The following RNF8 variants were observed in gnomAD, a reference collection of about 807,000 sequenced individuals.
The protein encoded by RNF8 is ring finger protein 8, also known as E3 ubiquitin-protein ligase RNF8.
In RNF8, 8 loss-of-function variants were observed where a neutral mutation model predicts 59.3. The observed-to-expected ratio is 0.13, with a 90% confidence interval of 0.08 to 0.24. The LOEUF is 0.24. Among genes scored for constraint, RNF8 ranks in the 10% least tolerant of loss-of-function variants. The pLI is 1.00. For missense variants in RNF8, 406 were observed against 572.6 expected (o/e 0.71, Z 2.97); for synonymous variants, 162 against 200.0 (o/e 0.81, Z 1.60).
At chr6:37,354,380 A>G in intron 1 of RNF8, 105 bp downstream of exon 1, 1 of 842,242 alleles carries the variant, frequency 1.2e-6, no homozygotes, top group Non-Finnish European at 1.7e-6. Flanking sequence ...GGCAGAGAGG[A>G]GGCGGGCATC....
chr6:37,376,719 A>G (rs1770033948), intron 5 of RNF8, among the ~76,000 whole-genome samples: 1 of 152,194 alleles, frequency 6.6e-6, no homozygotes, highest in South Asian at 2.1e-4. Flanking sequence ...TAGGGAGAGG[A>G]AAGAAAGGAG....
At chr6:37,379,849 A>T (rs1308266921) in intron 6 of RNF8, among the ~76,000 whole-genome samples, 4 of 152,102 alleles carry the variant, frequency 2.6e-5, no homozygotes, top group African/African-American at 4.8e-5. Flanking sequence ...TTTTCTTTTT[A>T]AAAAATTTGT....
chr6:37,393,004 T>C lies in RNF8; in HGVS notation c.*2246T>C. ...TGAAGACTATGTACAGAGACTGACC[T>C]CACAGACTGACCATTCCATCCCACA... is the stretch of plus-strand genomic sequence containing the variant. On this transcript the variant is annotated 3_prime_UTR_variant, in exon 8 of 8. Coordinates refer to ENST00000373479, the MANE Select transcript of RNF8 (RefSeq NM_003958.4). 5.5e-6 allele frequency: 1 copy of C among 180,270 alleles called. No homozygotes were observed. The highest frequency in any genetic ancestry group is 1.3e-4 in the East Asian group (1 of 7,462). 11.2% of individuals were successfully genotyped at this position (180,270 alleles called of 1,614,324 possible).
At chr6:37,379,769 T>C (rs1435813472) in intron 6 of RNF8, among the ~76,000 whole-genome samples, 2 of 152,262 alleles carry the variant, frequency 1.3e-5, no homozygotes, top group South Asian at 2.1e-4. Flanking sequence ...TGATGTCTTA[T>C]ATAATTCTGT....
intron 4 of RNF8, among the ~76,000 whole-genome samples, chr6:37,373,195 C>T (rs990511337): frequency 6.6e-6 from 1 of 152,058 alleles, no homozygotes; most frequent in African/African-American, 2.4e-5. Context: ...CTTTTTAAAC[C>T]GAGTGATTCA....
rs1769024020 is a variant in RNF8, at chr6:37,354,241, G to A, written c.77G>A (p.Ser26Asn). ...RSWCLRRVGM[S>N]AGWLLLEDGC... The stretch of plus-strand genomic sequence containing the variant: ...TGGTGCCTGCGGCGGGTGGGGATGA[G>A]CGCCGGGTGGCTGCTGCTGGAAGAT... The change falls in exon 1 of 8, where the codon AGC becomes AAC. Residue 26 changes from serine (S) to asparagine (N), a missense_variant. Physicochemically the swap from Ser to Asn is conservative, Grantham distance 46 (BLOSUM62 1). Transcript: ENST00000373479. 4.5e-6 allele frequency: 7 copies of A among 1,568,796 alleles called. No individual in the cohort carries two copies. The highest frequency in any genetic ancestry group is 5.2e-6 in the Non-Finnish European group (6 of 1,158,562).
intron 2 of RNF8, among the ~76,000 whole-genome samples, chr6:37,362,934 T>C (rs1233409161): frequency 6.6e-6 from 1 of 152,194 alleles, no homozygotes; most frequent in Admixed American, 6.5e-5. Context: ...ATGGTTCTAG[T>C]TGTGTAGGTT....
intron 6 of RNF8, among the ~76,000 whole-genome samples, chr6:37,378,600 CAAAAAAAAAAAA>C (rs554259061): frequency 1.1e-3 from 61 of 56,548 alleles, no homozygotes; most frequent in Non-Finnish European, 2.1e-3. Flanking sequence ...GACTCCGTCT[CAAAAAAAAAAAA>C]AAAAAAAAAA....
intron 4 of RNF8, among the ~76,000 whole-genome samples, chr6:37,371,877 G>C (rs1004363651): frequency 6.6e-6 from 1 of 152,188 alleles, no homozygotes; most frequent in Non-Finnish European, 1.5e-5. Flanking sequence ...AGAAAGGTGA[G>C]GGCAGCAGAG....
chr6:37,356,228 T>A (rs957305696), intron 1 of RNF8, among the ~76,000 whole-genome samples: 2 of 152,196 alleles, frequency 1.3e-5, no homozygotes, highest in African/African-American at 2.4e-5. Context: ...TTCAGGGACC[T>A]GTGTGTAGGA....
At chr6:37,358,151 C>T (rs2113813372) in intron 1 of RNF8, among the ~76,000 whole-genome samples, 1 of 152,240 alleles carries the variant, frequency 6.6e-6, no homozygotes, top group East Asian at 1.9e-4. Context: ...AAAAGACCCT[C>T]AGGTAGGCTG....
chr6:37,390,510 C>T (rs141197100), intron 7 of RNF8, among the ~76,000 whole-genome samples: 20 of 152,152 alleles, frequency 1.3e-4, no homozygotes, highest in African/African-American at 3.6e-4. Flanking sequence ...TTGAGCAAGA[C>T]GCAGATTTTG....
rs574359085 is a variant in RNF8, at chr6:37,392,306, G to A, written c.*1548G>A. The A allele has an allele frequency of 5.8e-5, 23 of 397,002 alleles. No individual in the cohort carries two copies. The East Asian group carries it at 6.8e-4, about 12-fold the overall frequency. The allele number at this position is 397,002 out of a possible 1,614,324, so 24.6% of individuals were successfully genotyped here. A position where few individuals can be genotyped will look rare whatever the true frequency, so the allele number is the denominator to read the frequency against. On this transcript the variant is annotated 3_prime_UTR_variant, in exon 8 of 8. Transcript: ENST00000373479. ...CATGGGTATATGTCAATTTTTATAT[G>A]TTCTGTGTTTAGTTTACATATTGTA...
intron 1 of RNF8, among the ~76,000 whole-genome samples, 176 bp downstream of exon 1, chr6:37,354,451 G>C (rs879496807): frequency 6.6e-5 from 10 of 151,986 alleles, no homozygotes; most frequent in Non-Finnish European, 1.2e-4. Context: ...GGGAGAAAGC[G>C]GTTCTGGCGC....
At chr6:37,369,655 G>A (rs1289111757) in intron 3 of RNF8, 2 of 160,594 alleles carry the variant, frequency 1.2e-5, no homozygotes, top group Non-Finnish European at 2.8e-5. Context: ...TAGTCTCAGG[G>A]CAGGTACAGG....
chr6:37,371,372 CAG>C (rs1218033671), intron 3 of RNF8, 138 bp from the exon 4 acceptor site: 2 of 627,642 alleles, frequency 3.2e-6, no homozygotes, highest in Non-Finnish European at 5.6e-6. Context: ...TGAAGTAAAA[CAG>C]GAGATTTTCC....
chr6:37,357,866 T>C (rs1769177664), intron 1 of RNF8, among the ~76,000 whole-genome samples: 1 of 152,228 alleles, frequency 6.6e-6, no homozygotes, highest in South Asian at 2.1e-4. Context: ...CTGAACACTA[T>C]GCCAGGTATA....
rs1942580255 is a variant in RNF8 at position 37,390,735 on chromosome 6, T to A, written c.1442-7T>A. On this transcript the variant is annotated splice_region_variant and splice_polypyrimidine_tract_variant and intron_variant, in intron 7 of 7. Coordinates refer to ENST00000373479, the MANE Select transcript of RNF8 (RefSeq NM_003958.4). ...CATTTATTTATTTCTCTTCTTTTTC[T>A]CCAAAGCAAAGAGATTGTTCTGAAG... 6.2e-7 allele frequency: 1 copy of A among 1,607,794 alleles called. No homozygotes were observed. Among genetic ancestry groups the A allele is most frequent in the African/African-American group, 1.3e-5 (1 of 74,728 alleles).
chr6:37,354,333 G>C, intron 1 of RNF8, 58 bp downstream of exon 1: 2 of 1,351,232 alleles, frequency 1.5e-6, no homozygotes, highest in Non-Finnish European at 2.0e-6. Context: ...GCGGGGCTCC[G>C]GGGAGGGAGG....
Sources: allele counts gnomAD v4.1 joint callset (sites outside exome capture counted in the v4.1 genomes callset), GRCh38; gene constraint gnomAD v4.1.1; transcripts MANE v1.5; gene names NCBI Gene and HGNC (gene_info 2026-07-23, HGNC 2026-07-21).